Variants in SLC25A21 observed in about 807,000 individuals in gnomAD.
The protein encoded by SLC25A21 is mitochondrial 2-oxodicarboxylate carrier.
In SLC25A21, 47 loss-of-function variants were observed where a neutral mutation model predicts 43.8. The ratio of observed to expected loss-of-function variants is 1.07; its 90% CI spans 0.85 to 1.37. The LOEUF (loss-of-function observed/expected upper bound fraction) is 1.37, where lower values mean the gene tolerates loss of function less well. Ranked by LOEUF, SLC25A21 falls within the 40% of genes most tolerant of loss-of-function variation. The pLI is 0.00. For synonymous variants in SLC25A21, 131 were observed against 121.3 expected (o/e 1.08, Z -0.52); for missense variants, 352 against 350.2 (o/e 1.00, Z -0.04).
At chr14:36,912,125 G>A (rs1891702257) in intron 1 of SLC25A21, among the ~76,000 whole-genome samples, 1 of 152,070 alleles carries the variant, frequency 6.6e-6, no homozygotes, top group South Asian at 2.1e-4. Flanking sequence ...CTAACAGACT[G>A]CCTATCCATT....
chr14:36,711,431 C>T lies in SLC25A21; in HGVS notation c.490G>A (p.Gly164Arg). 1 of 1,613,988 alleles carries T rather than the reference C, an allele frequency of 6.2e-7. No individual in the cohort carries two copies. The highest frequency in any genetic ancestry group is 1.1e-5 in the South Asian group (1 of 91,074). The change falls in exon 7 of 10, where the codon GGA becomes AGA. Residue 164 changes from glycine to arginine, a missense_variant. Physicochemically the swap from Gly to Arg is moderately radical, Grantham distance 125. Transcript: ENST00000331299. Reference sequence around the variant, plus strand: ...AATCCTTTGTTGAGGCCCTGGAGTCCCCAGCCTTCCTTCTTAATGATTTGT... The same window carrying T: ...AATCCTTTGTTGAGGCCCTGGAGTCTCCAGCCTTCCTTCTTAATGATTTGT... The part of the protein sequence containing the change: ...ARQIIKKEGW[G>R]LQGLNKGLTA...
At chr14:36,836,629 C>A (rs779458885) in intron 2 of SLC25A21, among the ~76,000 whole-genome samples, 1 of 152,052 alleles carries the variant, frequency 6.6e-6, no homozygotes, top group Non-Finnish European at 1.5e-5. Context: ...CATGAGCCCA[C>A]GGTTGAGAAG....
At chr14:37,091,013 C>T (rs1041204638) in intron 1 of SLC25A21, among the ~76,000 whole-genome samples, 6 of 152,142 alleles carry the variant, frequency 3.9e-5, no homozygotes, top group African/African-American at 1.4e-4. Context: ...TGTTTAAAGA[C>T]ACCTTACTTA....
chr14:36,835,390 G>A (rs987427327), intron 2 of SLC25A21, among the ~76,000 whole-genome samples: 3 of 152,142 alleles, frequency 2.0e-5, no homozygotes, highest in Admixed American at 1.3e-4. Flanking sequence ...AATAGGACAC[G>A]AGATAAGATC....
intron 1 of SLC25A21, among the ~76,000 whole-genome samples, chr14:37,135,508 A>G (rs1963465793): frequency 6.6e-6 from 1 of 152,204 alleles, no homozygotes; most frequent in South Asian, 2.1e-4. Context: ...AATTACAGGC[A>G]TGAGCCACCA....
At chr14:37,143,822 G>A (rs769318969) in intron 1 of SLC25A21, among the ~76,000 whole-genome samples, 35 of 152,124 alleles carry the variant, frequency 2.3e-4, no homozygotes, top group Non-Finnish European at 3.7e-4. Flanking sequence ...TCCTATCATA[G>A]CTTACATTTT....
At chr14:36,686,916 C>A (rs999049640) in intron 7 of SLC25A21, among the ~76,000 whole-genome samples, 1 of 152,150 alleles carries the variant, frequency 6.6e-6, no homozygotes, top group Non-Finnish European at 1.5e-5. Context: ...GCCATCGTAT[C>A]ATAGTGTTCA....
chr14:36,692,228 A>G (rs1420622813), intron 7 of SLC25A21, among the ~76,000 whole-genome samples: 1 of 152,238 alleles, frequency 6.6e-6, no homozygotes, highest in Non-Finnish European at 1.5e-5. Flanking sequence ...TTTCTCTGAC[A>G]GAACATATTA....
intron 2 of SLC25A21, among the ~76,000 whole-genome samples, chr14:36,849,004 T>C (rs1193430899): frequency 6.6e-6 from 1 of 152,180 alleles, no homozygotes; most frequent in Non-Finnish European, 1.5e-5. Context: ...GATATTCTCT[T>C]AATTCTGTGT....
chr14:36,949,278 T>C (rs1385299961), intron 1 of SLC25A21, among the ~76,000 whole-genome samples: 2 of 152,224 alleles, frequency 1.3e-5, no homozygotes, highest in African/African-American at 4.8e-5. Context: ...GTCATCTATG[T>C]AATCATCTTC....
At chr14:36,911,333 CACAAGGAAGAAG>C (rs991919335) in intron 1 of SLC25A21, among the ~76,000 whole-genome samples, 133 of 152,126 alleles carry the variant, frequency 8.7e-4, no homozygotes, top group African/African-American at 3.1e-3. Context: ...TTTATTAGAC[CACAAGGAAGAAG>C]AGTAACTGCC....
At chr14:36,897,178 A>G (rs755045832) in intron 1 of SLC25A21, among the ~76,000 whole-genome samples, 1 of 152,180 alleles carries the variant, frequency 6.6e-6, no homozygotes, top group Non-Finnish European at 1.5e-5. Context: ...AGGTACACCA[A>G]TCACACGTAG....
intron 2 of SLC25A21, among the ~76,000 whole-genome samples, chr14:36,861,933 T>C (rs1211743505): frequency 6.6e-6 from 1 of 151,606 alleles, no homozygotes; most frequent in Non-Finnish European, 1.5e-5. Context: ...AACAACCCCA[T>C]AAAAAAGTGC....
chr14:36,894,335 CTGTT>C (rs965303103), intron 1 of SLC25A21, among the ~76,000 whole-genome samples: 36 of 152,278 alleles, frequency 2.4e-4, no homozygotes, highest in African/African-American at 8.4e-4. Context: ...ATTTGGCTCT[CTGTT>C]TGTTGGTTAT....
intron 1 of SLC25A21, among the ~76,000 whole-genome samples, chr14:37,082,141 CA>C (rs1231499610): frequency 1.3e-5 from 2 of 152,062 alleles, no homozygotes; most frequent in Non-Finnish European, 2.9e-5. Flanking sequence ...AACAGAAAAC[CA>C]AATGCAGCAT....
chr14:36,986,873 T>G (rs1329997853), intron 1 of SLC25A21, among the ~76,000 whole-genome samples: 1 of 152,186 alleles, frequency 6.6e-6, no homozygotes, highest in Non-Finnish European at 1.5e-5. Flanking sequence ...AGTTAAGTTG[T>G]ACTAAGCAGT....
At chr14:36,958,786 G>A (rs560723518) in intron 1 of SLC25A21, among the ~76,000 whole-genome samples, 1 of 152,136 alleles carries the variant, frequency 6.6e-6, no homozygotes, top group African/African-American at 2.4e-5. Context: ...CTTACATGAG[G>A]CAGCCAAAAG....
At chr14:36,800,203 G>A (rs780124805) in intron 3 of SLC25A21, among the ~76,000 whole-genome samples, 4 of 152,036 alleles carry the variant, frequency 2.6e-5, no homozygotes, top group Non-Finnish European at 5.9e-5. Context: ...ATATGCTCTA[G>A]CAATCTCACT....
intron 1 of SLC25A21, among the ~76,000 whole-genome samples, chr14:37,041,067 A>G (rs939569679): frequency 2.6e-5 from 4 of 152,154 alleles, no homozygotes; most frequent in Admixed American, 2.6e-4. Context: ...AGGAGGAAGA[A>G]GATAGAGAGT....
Sources: gnomAD v4.1 joint callset for allele counts (sites outside exome capture counted in the v4.1 genomes callset) on GRCh38, gnomAD v4.1.1 for gene constraint, MANE v1.5 for transcripts, NCBI Gene and HGNC (gene_info 2026-07-23, HGNC 2026-07-21) for gene names.